The following ADA2 variants were observed in gnomAD, a reference collection of about 807,000 sequenced individuals.
ADA2 encodes the protein adenosine deaminase CECR1.
ADA2 carries 29 observed loss-of-function variants against 44.2 expected under a neutral mutation model. The ratio of observed to expected loss-of-function variants is 0.66; its 90% CI spans 0.49 to 0.89. The LOEUF is 0.89. Among genes scored for constraint, ADA2 ranks in the 40% least tolerant of loss-of-function variants. The pLI is 0.00. For missense variants in ADA2, 637 were observed against 644.8 expected, an observed-to-expected ratio of 0.99 and a Z score of 0.13; for synonymous variants, 215 against 234.9, an observed-to-expected ratio of 0.92 and a Z score of 0.77.
At chr22:17,199,121 C>G (rs1317385827) in intron 4 of ADA2, among the ~76,000 whole-genome samples, 7 of 152,116 alleles carry the variant, frequency 4.6e-5, no homozygotes, top group Admixed American at 3.9e-4. Context: ...ATCCCCTCCC[C>G]CTCCCCCTCC....
intron 5 of ADA2, among the ~76,000 whole-genome samples, chr22:17,191,028 C>T (rs1406252511): frequency 6.6e-6 from 1 of 152,252 alleles, no homozygotes; most frequent in East Asian, 1.9e-4. Context: ...CCGTGCCTGA[C>T]TCCGAGGGAC....
intron 1 of ADA2, among the ~76,000 whole-genome samples, chr22:17,214,373 G>C (rs529236554): frequency 6.6e-6 from 1 of 152,342 alleles, no homozygotes; most frequent in African/African-American, 2.4e-5. Context: ...GCAACATATA[G>C]AAGATACACC....
chr22:17,199,923 G>C, intron 4 of ADA2: 1 of 355,906 alleles, frequency 2.8e-6, no homozygotes. Context: ...CGCCAGGCGC[G>C]GTGGCTCACG....
In ADA2 at chr22:17,186,993, C is replaced by T. The variant is rs189676994; in HGVS notation, c.1081+1346G>A. On this transcript the variant is annotated intron_variant, in intron 7 of 9. Transcript: ENST00000399837. Reference sequence around the variant, plus strand: ...CATCCTGGCTAACACAGTGAAACCTCGTCTCTACTAAAAATACAAAAAATT... The same window carrying T: ...CATCCTGGCTAACACAGTGAAACCTTGTCTCTACTAAAAATACAAAAAATT... 1.3e-4 allele frequency among the ~76,000 whole-genome samples: 20 copies of T among 151,888 alleles called. No individual in the cohort carries two copies. In the East Asian group the frequency reaches 2.7e-3, roughly 21 times the overall value.
chr22:17,185,911 C>T (rs1012943361), intron 7 of ADA2, among the ~76,000 whole-genome samples: 5 of 152,200 alleles, frequency 3.3e-5, no homozygotes, highest in African/African-American at 9.7e-5. Context: ...TGTGAACAGC[C>T]TCCTCCCAAA....
At chr22:17,213,473 C>A in intron 1 of ADA2, 2 of 217,466 alleles carry the variant, frequency 9.2e-6, no homozygotes, top group Non-Finnish European at 9.3e-6. Flanking sequence ...ATAAAGAAAA[C>A]GTGGCAAGTC....
At position 17,208,838 on chromosome 22, in the gene ADA2, A is replaced by ATTTTTTTTTTTTTTTTTTTTTTTTTTTT. The variant is rs796662081; in HGVS notation, c.322+517_322+518insAAAAAAAAAAAAAAAAAAAAAAAAAAAA. ...TTTTTTAATAAAAAAAAAAATTAAC[A>ATTTTTTTTTTTTTTTTTTTTTTTTTTTT]TTTTTTGGGGAACAGGGTCTTGCTC... On this transcript the variant is annotated intron_variant, in intron 2 of 9. Transcript: ENST00000399837. 4.2e-5 allele frequency among the ~76,000 whole-genome samples: 6 copies of ATTTTTTTTTTTTTTTTTTTTTTTTTTTT among 143,004 alleles called. 1 individual carries two copies. Among genetic ancestry groups the ATTTTTTTTTTTTTTTTTTTTTTTTTTTT allele is most frequent in the African/African-American group, 1.6e-4 (6 of 37,894 alleles). 93.8% of individuals were successfully genotyped at this position (143,004 alleles called of 152,430 possible). A position where few individuals can be genotyped will look rare whatever the true frequency, so the allele number is the denominator to read the frequency against.
At chr22:17,197,184 G>C (rs1484233967) in intron 4 of ADA2, among the ~76,000 whole-genome samples, 2 of 152,150 alleles carry the variant, frequency 1.3e-5, no homozygotes, top group Admixed American at 1.3e-4. Context: ...TTTGGGAGCA[G>C]AGTGCTGTAA....
chr22:17,187,680 A>AAAG (rs1416098820), intron 7 of ADA2, among the ~76,000 whole-genome samples: 1 of 141,546 alleles, frequency 7.1e-6, no homozygotes, highest in African/African-American at 2.9e-5. Context: ...AAAAAAAAAA[A>AAAG]AAGAAGAAGA....
At chr22:17,199,150 A>T (rs2062236059) in intron 4 of ADA2, among the ~76,000 whole-genome samples, 1 of 151,564 alleles carries the variant, frequency 6.6e-6, no homozygotes, top group Non-Finnish European at 1.5e-5. Flanking sequence ...CCCAAATCCT[A>T]GCAGCCCAGC....
intron 4 of ADA2, among the ~76,000 whole-genome samples, chr22:17,197,248 TTTTC>T (rs1386080917): frequency 3.3e-5 from 5 of 151,276 alleles, no homozygotes; most frequent in East Asian, 1.9e-4. Context: ...CAATTTCTTT[TTTTC>T]TTTCTTTCTT....
At chr22:17,220,181 C>G (rs2062512845), upstream of ADA2, among the ~76,000 whole-genome samples, 1 of 151,284 alleles carries the variant, frequency 6.6e-6, no homozygotes, top group South Asian at 2.1e-4. Context: ...TAAAAAGTAG[C>G]TATAATAAAA....
intron 4 of ADA2, among the ~76,000 whole-genome samples, chr22:17,203,006 C>A (rs569900383): frequency 2.0e-5 from 3 of 151,792 alleles, no homozygotes; most frequent in East Asian, 2.0e-4. Context: ...AAACTCTTGA[C>A]CTTGTGATCT....
At chr22:17,218,744 A>C (rs957699680) in intron 1 of ADA2, among the ~76,000 whole-genome samples, 7 of 152,308 alleles carry the variant, frequency 4.6e-5, no homozygotes, top group African/African-American at 7.2e-5. Context: ...TACTAGTAAA[A>C]ACAATCCTTA....
intron 1 of ADA2, among the ~76,000 whole-genome samples, chr22:17,210,051 C>A (rs868279661): frequency 2.8e-4 from 43 of 151,924 alleles, no homozygotes; most frequent in African/African-American, 9.7e-4. Context: ...CCACCATGCC[C>A]GGCTAATTTT....
intron 5 of ADA2, 109 bp from the exon 6 acceptor site, chr22:17,190,141 C>T (rs1365773175): frequency 2.2e-5 from 19 of 851,780 alleles, no homozygotes; most frequent in Non-Finnish European, 3.3e-5. Flanking sequence ...GTGCAGGTCC[C>T]GTTTCCCAAA....
At position 17,183,495 on chromosome 22, in the gene ADA2, C is replaced by T. The variant is rs112951775; in HGVS notation, c.1082-734G>A. Among the ~76,000 whole-genome samples, 260 of 126,368 alleles carry T rather than the reference C, an allele frequency of 2.1e-3. 4 individuals carry two copies. The highest frequency in any genetic ancestry group is 7.2e-3 in the African/African-American group (237 of 32,776). 82.9% of individuals were successfully genotyped at this position (126,368 alleles called of 152,430 possible). ...TTTTTTTTTGAGACGGAGTCTTGCT[C>T]TGTCGCCCAGGCTGGAATGCAGTGG... On this transcript the variant is annotated intron_variant, in intron 7 of 9. Coordinates refer to ENST00000399837, the MANE Select transcript of ADA2 (RefSeq NM_001282225.2).
intron 4 of ADA2, among the ~76,000 whole-genome samples, chr22:17,192,499 G>GT (rs2062131180): frequency 6.6e-6 from 1 of 152,156 alleles, no homozygotes; most frequent in Non-Finnish European, 1.5e-5. Context: ...AGTGGGGAGA[G>GT]TTGGGAGTGG....
Position 17,207,272 on chromosome 22 carries a change from T to G in ADA2, c.341A>C (p.His114Pro), listed in dbSNP as rs1489144259. The G allele has an allele frequency of 1.2e-6, 2 of 1,607,272 alleles. No individual in the cohort carries two copies. The highest frequency in any genetic ancestry group is 1.3e-5 in the African/African-American group (1 of 74,798). ...MMPKGAALHL[H>P]DIGIVTMDWL... ...GTCCATAGTCACGATGCCAATGTCA[T>G]GGAGGTGCAAGGCAGCCCCTGGAGA... Residue 114 changes from histidine (H) to proline (P), a missense_variant, in exon 3 of 10, where the codon CAT becomes CCT. Physicochemically the swap from His to Pro is moderately conservative, Grantham distance 77. Transcript: ENST00000399837.
Sources: gnomAD v4.1 joint callset for allele counts (sites outside exome capture counted in the v4.1 genomes callset) on GRCh38, gnomAD v4.1.1 for gene constraint, MANE v1.5 for transcripts, NCBI Gene and HGNC (gene_info 2026-07-23, HGNC 2026-07-21) for gene names.